The following CIT variants were observed in gnomAD, a reference collection of about 807,000 sequenced individuals.
CIT encodes citron rho-interacting serine/threonine kinase, also known as citron Rho-interacting kinase.
Under a neutral mutation model 272.7 loss-of-function variants are expected in CIT, and 79 were observed. That is an observed-to-expected ratio of 0.29 (90% CI 0.24 to 0.35). The LOEUF is 0.35. CIT is among the 10% of genes least tolerant of loss of function. CIT has a pLI of 1.00. For synonymous variants in CIT, 948 were observed against 995.6 expected, an observed-to-expected ratio of 0.95 and a Z score of 0.90; for missense variants, 1,909 against 2,618.3, an observed-to-expected ratio of 0.73 and a Z score of 5.91.
chr12:119,871,365 C>A (rs1950672488), intron 2 of CIT, among the ~76,000 whole-genome samples: 1 of 152,160 alleles, frequency 6.6e-6, no homozygotes, highest in South Asian at 2.1e-4. Context: ...ATCATTGTTG[C>A]TTTAAACTTT....
chr12:119,799,756 G>A (rs1966025454), intron 10 of CIT, among the ~76,000 whole-genome samples: 1 of 151,760 alleles, frequency 6.6e-6, no homozygotes, highest in African/African-American at 2.4e-5. Flanking sequence ...TCCAACCCAA[G>A]GCCCCGGGGG....
At chr12:119,691,003 C>T (rs888394148) in intron 46 of CIT, among the ~76,000 whole-genome samples, 3 of 152,088 alleles carry the variant, frequency 2.0e-5, no homozygotes, top group African/African-American at 7.2e-5. Context: ...GAAACCCCGT[C>T]TCTACTAAAA....
At position 119,752,114 on chromosome 12, in the gene CIT, C is replaced by T. The variant is rs1365907131; in HGVS notation, c.2840G>A (p.Arg947His). The change falls in exon 23 of 48, where the codon CGC becomes CAC. Residue 947 changes from arginine to histidine, a missense_variant. Around this residue, in one of 8 missense-constraint regions of CIT, gnomAD observed 530 missense variants for 822.4 expected, o/e 0.64. Transcript: ENST00000392521. ...AARAALESQLRQAKTELEETT... is the reference protein window; with the variant it reads ...AARAALESQLHQAKTELEETT... ...CTCTTCCAGCTCTGTCTTCGCCTGG[C>T]GAAGCTGGCTCTCCAGGGCCGCCCG... 4.3e-6 allele frequency: 7 copies of T among 1,612,818 alleles called. No homozygotes were observed. The highest frequency in any genetic ancestry group is 2.2e-5 in the East Asian group (1 of 44,872).
intron 23 of CIT, 76 bp from the exon 24 acceptor site, chr12:119,742,540 G>A (rs1959109089): frequency 1.8e-6 from 2 of 1,134,050 alleles, no homozygotes; most frequent in African/African-American, 1.6e-5. Context: ...CAAATATAGA[G>A]AATAGCAATT....
chr12:119,720,418 A>T, intron 30 of CIT, 60 bp downstream of exon 30: 1 of 1,132,214 alleles, frequency 8.8e-7, no homozygotes, highest in Non-Finnish European at 1.3e-6. Flanking sequence ...AGTGGTGTCC[A>T]CTGAGCCATG....
chr12:119,708,122 A>C, intron 40 of CIT, 57 bp downstream of exon 40: 1 of 1,444,038 alleles, frequency 6.9e-7, no homozygotes, highest in Non-Finnish European at 9.2e-7. Context: ...CTGTGGGAAG[A>C]GAGGTAGTGT....
At chr12:119,693,733 A>G (rs1436098369) in intron 46 of CIT, among the ~76,000 whole-genome samples, 1 of 152,238 alleles carries the variant, frequency 6.6e-6, no homozygotes, top group African/African-American at 2.4e-5. Flanking sequence ...CAAGTTCCTC[A>G]GGTTAAAACC....
intron 23 of CIT, 32 bp downstream of exon 23, chr12:119,752,018 A>G (rs1960328504): frequency 6.3e-7 from 1 of 1,591,182 alleles, no homozygotes; most frequent in South Asian, 1.1e-5. Flanking sequence ...TGAGGCCTTT[A>G]GCAACCTGAA....
chr12:119,856,453 A>T (rs1299797088), intron 4 of CIT, among the ~76,000 whole-genome samples: 1 of 152,076 alleles, frequency 6.6e-6, no homozygotes, highest in Non-Finnish European at 1.5e-5. Flanking sequence ...AATTTTTTAA[A>T]AAAAGGTTCT....
At chr12:119,818,451 A>G (rs553435245) in intron 9 of CIT, among the ~76,000 whole-genome samples, 1 of 152,352 alleles carries the variant, frequency 6.6e-6, no homozygotes, top group South Asian at 2.1e-4. Flanking sequence ...TTGAGCAACC[A>G]TATTATACAC....
intron 9 of CIT, among the ~76,000 whole-genome samples, chr12:119,807,333 T>A (rs1190560625): frequency 6.6e-6 from 1 of 152,246 alleles, no homozygotes; most frequent in Non-Finnish European, 1.5e-5. Flanking sequence ...GGTTGCTGCA[T>A]TTTTTAAGGA....
At position 119,718,358 on chromosome 12, in the gene CIT, G is replaced by A. The variant is rs768929471; in HGVS notation, c.4055C>T (p.Ala1352Val). 24 of 1,613,970 alleles carry A rather than the reference G, an allele frequency of 1.5e-5. No homozygotes were observed. Among genetic ancestry groups the A allele is most frequent in the Middle Eastern group, 1.7e-4 (1 of 6,042 alleles). Residue 1352 changes from alanine to valine, a missense_variant, in exon 32 of 48, where the codon GCG becomes GTG. By Grantham distance (64) the Ala-to-Val change is moderately conservative (BLOSUM62 0). Coordinates refer to ENST00000392521, the MANE Select transcript of CIT (RefSeq NM_001206999.2). The surrounding 1 kb of genome is among the most constrained non-coding windows in gnomAD (Gnocchi z 4.8). The stretch of plus-strand genomic sequence containing the variant: ...GGCGGACATGGCGATCTGCTGCCTC[G>A]CGGTGGCTGGCGTGGATGGGTGTGG... ...DHPHPSTPAT[A>V]RQQIAMSAIV...
At chr12:119,689,869 C>T (rs751278022) in intron 47 of CIT, among the ~76,000 whole-genome samples, 6 of 151,660 alleles carry the variant, frequency 4.0e-5, no homozygotes, top group South Asian at 2.1e-4. Flanking sequence ...TTCGTAGAGA[C>T]GGGGTTTCAC....
chr12:119,715,895 C>A (rs1957437518), intron 32 of CIT, among the ~76,000 whole-genome samples: 1 of 152,100 alleles, frequency 6.6e-6, no homozygotes, highest in South Asian at 2.1e-4. Context: ...TACAACATCA[C>A]CCCCCTTCCT....
Position 119,786,887 on chromosome 12 carries a change from C to T in CIT, c.1296-1822G>A, listed in dbSNP as rs141985370. On this transcript the variant is annotated intron_variant, in intron 10 of 47. Coordinates refer to ENST00000392521, the MANE Select transcript of CIT (RefSeq NM_001206999.2). ...CTATAATCTCAACACTTTGGGAGGC[C>T]GAGGCAGAAGGATCACTTGAGGCCA... 4.0e-3 allele frequency among the ~76,000 whole-genome samples: 614 copies of T among 152,194 alleles called. 3 individuals are homozygous for T. Among genetic ancestry groups the T allele is most frequent in the Admixed American group, 7.9e-3 (121 of 15,282 alleles).
intron 10 of CIT, among the ~76,000 whole-genome samples, chr12:119,790,463 T>C (rs1965211652): frequency 6.6e-6 from 1 of 152,114 alleles, no homozygotes; most frequent in Non-Finnish European, 1.5e-5. Context: ...GACCATGGAA[T>C]GGGACAGAGT....
chr12:119,857,725 A>G (rs773927247), intron 3 of CIT, 27 bp from the exon 4 acceptor site: 59 of 1,590,062 alleles, frequency 3.7e-5, no homozygotes, highest in Non-Finnish European at 4.3e-5. Flanking sequence ...AGTTAGCCCC[A>G]GGTAAATAAA....
intron 40 of CIT, among the ~76,000 whole-genome samples, chr12:119,706,482 TATGTGTCC>T (rs1263875186): frequency 6.6e-6 from 1 of 151,730 alleles, no homozygotes; most frequent in Non-Finnish European, 1.5e-5. Context: ...TGTTCCCCTC[TATGTGTCC>T]ATGTGTTCTC....
intron 44 of CIT, chr12:119,700,007 T>G (rs1956463860): frequency 2.3e-6 from 1 of 442,212 alleles, no homozygotes. Flanking sequence ...GCAAAAAGAT[T>G]AGTACAAGGA....
Sources: gnomAD v4.1 joint callset for allele counts (sites outside exome capture counted in the v4.1 genomes callset) on GRCh38, gnomAD v4.1.1 for gene constraint, gnomAD v4.1.1 regional missense constraint, Gnocchi (gnomAD v3.1) non-coding constraint, MANE v1.5 for transcripts, NCBI Gene and HGNC (gene_info 2026-07-23, HGNC 2026-07-21) for gene names.